ATRNL1: variants seen among roughly 807,000 people sequenced by gnomAD.
The protein encoded by ATRNL1 is attractin-like protein 1.
Under a neutral mutation model 182.7 loss-of-function variants are expected in ATRNL1, and 95 were observed. The ratio of observed to expected loss-of-function variants is 0.52; its 90% CI spans 0.44 to 0.62. ATRNL1 has a LOEUF of 0.62. Ranked by LOEUF, ATRNL1 falls within the 20% of genes least tolerant of loss-of-function variation. The probability of loss-of-function intolerance (pLI) is 0.00; values close to 1 mark genes in which losing one functional copy is unlikely to be tolerated. For synonymous variants in ATRNL1, 576 were observed against 568.3 expected (o/e 1.01, Z -0.19); for missense variants, 1,471 against 1,679.5 (o/e 0.88, Z 2.17).
chr10:115,688,991 G>A (rs1946307671), intron 26 of ATRNL1, among the ~76,000 whole-genome samples: 1 of 152,050 alleles, frequency 6.6e-6, no homozygotes, highest in Non-Finnish European at 1.5e-5. Flanking sequence ...TGAGAGATAG[G>A]GGTCCGAGTT....
At chr10:115,607,347 A>G (rs1218476803) in intron 26 of ATRNL1, among the ~76,000 whole-genome samples, 1 of 151,814 alleles carries the variant, frequency 6.6e-6, no homozygotes, top group African/African-American at 2.4e-5. Context: ...TCTCTGATCT[A>G]TTTGAATTCT....
At chr10:115,432,551 C>T (rs1485858029) in intron 21 of ATRNL1, among the ~76,000 whole-genome samples, 1 of 152,124 alleles carries the variant, frequency 6.6e-6, no homozygotes, top group Non-Finnish European at 1.5e-5. Context: ...TGCAAGTCCA[C>T]ACTGTAACTT....
intron 19 of ATRNL1, among the ~76,000 whole-genome samples, chr10:115,363,205 T>C (rs1397749685): frequency 6.6e-6 from 1 of 151,550 alleles, no homozygotes; most frequent in Non-Finnish European, 1.5e-5. Flanking sequence ...TTTTTAATGA[T>C]CGCCATTCTA....
At chr10:115,546,339 C>A (rs185457133) in intron 25 of ATRNL1, among the ~76,000 whole-genome samples, 1 of 151,988 alleles carries the variant, frequency 6.6e-6, no homozygotes, top group Non-Finnish European at 1.5e-5. Context: ...CTGAGGAGGG[C>A]AGATCATGAG....
At chr10:115,930,482 C>T (rs1352320883) in intron 28 of ATRNL1, among the ~76,000 whole-genome samples, 1 of 152,174 alleles carries the variant, frequency 6.6e-6, no homozygotes, top group Non-Finnish European at 1.5e-5. Flanking sequence ...TTCAGTCCAA[C>T]AGCCAGGCAA....
At chr10:115,736,099 T>C (rs890320279) in intron 27 of ATRNL1, among the ~76,000 whole-genome samples, 1 of 152,208 alleles carries the variant, frequency 6.6e-6, no homozygotes, top group Non-Finnish European at 1.5e-5. Context: ...TTCTAAGTTA[T>C]TGAGTCATTA....
intron 27 of ATRNL1, among the ~76,000 whole-genome samples, chr10:115,790,652 T>G (rs2134210313): frequency 6.6e-6 from 1 of 150,990 alleles, no homozygotes; most frequent in Middle Eastern, 3.5e-3. Flanking sequence ...AAAAAAAAAC[T>G]TTTAAACTGA....
chr10:115,566,903 C>T (rs1300538590), intron 26 of ATRNL1, among the ~76,000 whole-genome samples: 2 of 151,320 alleles, frequency 1.3e-5, no homozygotes, highest in Non-Finnish European at 2.9e-5. Context: ...CTGCTCAAAA[C>T]AATGAGTATC....
intron 25 of ATRNL1, among the ~76,000 whole-genome samples, chr10:115,527,925 TCCC>T (rs1554987049): frequency 1.5e-4 from 16 of 105,500 alleles, no homozygotes; most frequent in African/African-American, 4.9e-4. Flanking sequence ...CCTCCCTTCC[TCCC>T]TCCTTCCTTC....
intron 26 of ATRNL1, among the ~76,000 whole-genome samples, chr10:115,705,944 G>T (rs1946882532): frequency 6.6e-6 from 1 of 151,952 alleles, no homozygotes; most frequent in African/African-American, 2.4e-5. Context: ...TTAGTGGACA[G>T]AGTTAATTTT....
intron 19 of ATRNL1, among the ~76,000 whole-genome samples, chr10:115,346,190 T>G (rs1161865672): frequency 3.3e-5 from 5 of 152,200 alleles, no homozygotes; most frequent in African/African-American, 1.2e-4. Flanking sequence ...GCCACCATCA[T>G]TTTCATTCCT....
chr10:115,931,624 T>C (rs1555121651), intron 28 of ATRNL1, among the ~76,000 whole-genome samples: 1 of 152,182 alleles, frequency 6.6e-6, no homozygotes, highest in African/African-American at 2.4e-5. Flanking sequence ...GTTTTTTTCA[T>C]CTTCATGCCA....
At chr10:115,276,257 A>C (rs1229844085) in intron 13 of ATRNL1, among the ~76,000 whole-genome samples, 2 of 152,064 alleles carry the variant, frequency 1.3e-5, no homozygotes, top group Non-Finnish European at 2.9e-5. Context: ...CAAAAGTTGC[A>C]CCTCCTAATA....
chr10:115,381,754 G>T (rs1858025698), intron 19 of ATRNL1, among the ~76,000 whole-genome samples: 1 of 151,914 alleles, frequency 6.6e-6, no homozygotes, highest in East Asian at 1.9e-4. Flanking sequence ...TGTGCTCCTA[G>T]TACTAAAACA....
intron 28 of ATRNL1, among the ~76,000 whole-genome samples, chr10:115,870,837 A>C (rs1288562893): frequency 6.6e-6 from 1 of 152,182 alleles, no homozygotes. Context: ...TAGTTTTCTC[A>C]TCATAATTTG....
At chr10:115,647,009 T>G (rs1555032766) in intron 26 of ATRNL1, among the ~76,000 whole-genome samples, 5 of 136,030 alleles carry the variant, frequency 3.7e-5, no homozygotes, top group African/African-American at 8.1e-5. Context: ...TGTCCAAGTG[T>G]TCTCATTGTT....
intron 10 of ATRNL1, among the ~76,000 whole-genome samples, chr10:115,260,183 C>A (rs1451028411): frequency 2.0e-5 from 3 of 152,128 alleles, no homozygotes; most frequent in Admixed American, 1.3e-4. Context: ...TTCTGCAGGA[C>A]TTGTGTACTT....
chr10:115,484,305 C>T (rs151126355), intron 24 of ATRNL1, among the ~76,000 whole-genome samples: 2 of 151,314 alleles, frequency 1.3e-5, no homozygotes, highest in South Asian at 2.1e-4. Context: ...TCTCTACTTA[C>T]AGATTATGCT....
chr10:115,135,783 A>G (rs1455382239), intron 5 of ATRNL1, among the ~76,000 whole-genome samples: 2 of 152,230 alleles, frequency 1.3e-5, no homozygotes, highest in African/African-American at 4.8e-5. Flanking sequence ...ACTTCAAAGT[A>G]TGTTAAGTCT....
Sources: allele counts gnomAD v4.1 joint callset (sites outside exome capture counted in the v4.1 genomes callset), GRCh38; gene constraint gnomAD v4.1.1; transcripts MANE v1.5; gene names NCBI Gene and HGNC (gene_info 2026-07-23, HGNC 2026-07-21).